The following ABHD18 variants were observed in gnomAD, a reference collection of about 807,000 sequenced individuals.
ABHD18 encodes the protein abhydrolase domain containing 18.
Under a neutral mutation model 65.9 loss-of-function variants are expected in ABHD18, and 55 were observed. The ratio of observed to expected loss-of-function variants is 0.84; its 90% CI spans 0.67 to 1.05. ABHD18 has a LOEUF of 1.05. ABHD18 is among the 50% of genes least tolerant of loss of function. The pLI is 0.00. For synonymous variants in ABHD18, 181 were observed against 180.2 expected (o/e 1.00, Z -0.04); for missense variants, 533 against 558.5 (o/e 0.95, Z 0.46).
chr4:128,023,891 C>CA (rs1185891984), intron 10 of ABHD18, among the ~76,000 whole-genome samples: 4 of 151,358 alleles, frequency 2.6e-5, no homozygotes, highest in Non-Finnish European at 5.9e-5. Context: ...CTCAAAAAAA[C>CA]AAAAAAAAGC....
At chr4:127,993,501 C>A (rs1751260898) in intron 4 of ABHD18, among the ~76,000 whole-genome samples, 1 of 149,900 alleles carries the variant, frequency 6.7e-6, no homozygotes, top group African/African-American at 2.5e-5. Context: ...ACATTGACAT[C>A]TATTTTTCCT....
At position 128,009,822 on chromosome 4, in the gene ABHD18, A is replaced by C. The variant is rs370775619; in HGVS notation, c.442+631A>C. On this transcript the variant is annotated intron_variant, in intron 6 of 12. Transcript: ENST00000645843. ...AAATGATTTTGATTCTGGGAAATTT[A>C]TTCTAAGGATAAAAACTAAGAAAAA... Among the ~76,000 whole-genome samples the C allele has an allele frequency of 5.9e-5, 9 of 152,326 alleles. No homozygotes were observed. The East Asian group carries it at 7.7e-4, about 13-fold the overall frequency.
chr4:128,012,081 G>A (rs547792245), intron 7 of ABHD18, among the ~76,000 whole-genome samples: 1 of 150,676 alleles, frequency 6.6e-6, no homozygotes, highest in Non-Finnish European at 1.5e-5. Context: ...GGGTTCAAGC[G>A]ATTCTCTGCC....
chr4:128,008,974 T>C lies in ABHD18; in HGVS notation c.333T>C (p.Ile111=), dbSNP rs375069964. 3.8e-5 allele frequency: 62 copies of C among 1,610,590 alleles called. No individual in the cohort carries two copies. The African/African-American group carries it at 8.0e-4, about 21-fold the overall frequency. Residue 111 remains isoleucine (I), a synonymous_variant, in exon 5 of 13, where the codon ATT becomes ATC. Transcript: ENST00000645843. ...EWNSKYRPVC[I]HLAGTGDHHY... ...ACAGCAAATATAGACCTGTATGCAT[T>C]CATCTTGCTGGAACAGGAGATCATG...
intron 12 of ABHD18, among the ~76,000 whole-genome samples, chr4:128,032,359 T>A (rs76362589): frequency 0.036 from 5,405 of 152,204 alleles, 307 homozygotes; most frequent in African/African-American, 0.12. Flanking sequence ...GTAGAATTTT[T>A]AAAAATTCAG....
At chr4:127,975,379 C>T (rs1413104054) in intron 1 of ABHD18, among the ~76,000 whole-genome samples, 3 of 152,172 alleles carry the variant, frequency 2.0e-5, no homozygotes, top group Non-Finnish European at 2.9e-5. Flanking sequence ...CTCTAGGTAT[C>T]TTGTTTAAAT....
chr4:127,997,088 T>A lies in ABHD18; in HGVS notation c.278+7267T>A, dbSNP rs1395869656. On this transcript the variant is annotated intron_variant, in intron 4 of 12. Transcript: ENST00000645843. ...GCATAAGAAATTATAAGAGTATTGA[T>A]TGGAGAAGTGATAAACGTCCATGAA... is the stretch of plus-strand genomic sequence containing the variant. 7.2e-5 allele frequency among the ~76,000 whole-genome samples: 11 copies of A among 152,342 alleles called. No individual in the cohort carries two copies. In the East Asian group the frequency reaches 2.1e-3, roughly 29 times the overall value.
chr4:127,979,069 C>G (rs1748496349), intron 1 of ABHD18, among the ~76,000 whole-genome samples: 1 of 152,034 alleles, frequency 6.6e-6, no homozygotes, highest in Non-Finnish European at 1.5e-5. Flanking sequence ...ATGTGAACAA[C>G]CTACAGAATC....
chr4:127,995,952 G>A (rs533534805), intron 4 of ABHD18, among the ~76,000 whole-genome samples: 4 of 152,328 alleles, frequency 2.6e-5, no homozygotes, highest in East Asian at 3.9e-4. Flanking sequence ...CATGGGCCAT[G>A]ACTCAGCCAC....
At chr4:127,978,565 A>C (rs1278376227) in intron 1 of ABHD18, among the ~76,000 whole-genome samples, 1 of 152,290 alleles carries the variant, frequency 6.6e-6, no homozygotes, top group East Asian at 1.9e-4. Flanking sequence ...TAAAATCCTG[A>C]TTCTGTACTA....
At chr4:127,977,977 CTA>C (rs1411248625) in intron 1 of ABHD18, among the ~76,000 whole-genome samples, 1 of 151,994 alleles carries the variant, frequency 6.6e-6, no homozygotes, top group African/African-American at 2.4e-5. Context: ...GATGAGAAGA[CTA>C]AAACTCACAA....
At chr4:128,030,095 T>C (rs1285643008) in intron 11 of ABHD18, among the ~76,000 whole-genome samples, 1 of 152,166 alleles carries the variant, frequency 6.6e-6, no homozygotes, top group Non-Finnish European at 1.5e-5. Flanking sequence ...TTCAAGGCTG[T>C]AGTGCACTAT....
rs1491380654 is a variant in ABHD18 at position 128,039,144 on chromosome 4, C to CGTGT, written c.*3331_*3332insGTGT. 43 of 99,738 alleles carry CGTGT rather than the reference C, an allele frequency of 4.3e-4. No individual in the cohort carries two copies. Among genetic ancestry groups the CGTGT allele is most frequent in the African/African-American group, 1.5e-3 (39 of 26,816 alleles). 6.2% of individuals were successfully genotyped at this position (99,738 alleles called of 1,614,324 possible). A position where few individuals can be genotyped will look rare whatever the true frequency, so the allele number is the denominator to read the frequency against. On this transcript the variant is annotated 3_prime_UTR_variant, in exon 13 of 13. Coordinates refer to ENST00000645843, the MANE Select transcript of ABHD18 (RefSeq NM_001358451.3). ...TATGTATTATATATACACACATATGCATATATATATATATATATATATATA... is the reference window on the plus strand; with the variant it reads ...TATGTATTATATATACACACATATGCGTGTATATATATATATATATATATATATA...
At chr4:128,016,853 A>G (rs963601000) in intron 7 of ABHD18, among the ~76,000 whole-genome samples, 1 of 152,148 alleles carries the variant, frequency 6.6e-6, no homozygotes, top group Non-Finnish European at 1.5e-5. Context: ...GAACAGGAAC[A>G]CTTTTTTTTG....
intron 12 of ABHD18, among the ~76,000 whole-genome samples, chr4:128,032,326 A>G (rs1695290343): frequency 6.6e-6 from 1 of 152,210 alleles, no homozygotes; most frequent in African/African-American, 2.4e-5. Context: ...AAAACTTAAC[A>G]GAGGTTAGAT....
rs1004857589 is a variant in ABHD18, at chr4:128,038,917, T to C, written c.*3104T>C. The C allele has an allele frequency of 1.3e-5, 2 of 151,524 alleles. No homozygotes were observed. Among genetic ancestry groups the C allele is most frequent in the African/African-American group, 4.8e-5 (2 of 41,294 alleles). The allele number at this position is 151,524 out of a possible 1,614,324, so 9.4% of individuals were successfully genotyped here. On this transcript the variant is annotated 3_prime_UTR_variant, in exon 13 of 13. Transcript: ENST00000645843. ...AAGAGCAAAACTCTGTCTCAAAAAA[T>C]ATATATATATCCCTAAAACTACCTC...
chr4:128,013,312 A>G (rs1289736378), intron 7 of ABHD18, among the ~76,000 whole-genome samples: 8 of 152,166 alleles, frequency 5.3e-5, no homozygotes, highest in Non-Finnish European at 1.2e-4. Context: ...TTAACTAGGT[A>G]GTAGTGGAAA....
rs35809796 is a variant in ABHD18 at position 128,010,904 on chromosome 4, CA to C, written c.443-751del. ...TGGGCGACGGAGCAAGACTGCGCCT[CA>C]AAAAAAAAAAAAAAAAACCGTGGAT... On this transcript the variant is annotated intron_variant, in intron 6 of 12. Transcript: ENST00000645843. 2.8e-3 allele frequency among the ~76,000 whole-genome samples: 180 copies of C among 65,322 alleles called. 1 individual carries two copies. Among genetic ancestry groups the C allele is most frequent in the South Asian group, 6.8e-3 (11 of 1,624 alleles). The allele number at this position is 65,322 out of a possible 152,430, so 42.9% of individuals were successfully genotyped here.
chr4:127,999,601 G>A (rs1357608647), intron 4 of ABHD18, among the ~76,000 whole-genome samples: 1 of 149,578 alleles, frequency 6.7e-6, no homozygotes, highest in Non-Finnish European at 1.5e-5. Context: ...TTTGAAGGCT[G>A]CCTATTTGTA....
Sources: gnomAD v4.1 joint callset for allele counts (sites outside exome capture counted in the v4.1 genomes callset) on GRCh38, gnomAD v4.1.1 for gene constraint, MANE v1.5 for transcripts, NCBI Gene and HGNC (gene_info 2026-07-23, HGNC 2026-07-21) for gene names.